SFI1: variants seen among roughly 807,000 people sequenced by gnomAD.
SFI1 encodes protein SFI1 homolog.
Under a neutral mutation model 207.5 loss-of-function variants are expected in SFI1, and 195 were observed. That is an observed-to-expected ratio of 0.94 (90% CI 0.84 to 1.06). The LOEUF is 1.06. Among genes scored for constraint, SFI1 ranks in the 50% least tolerant of loss-of-function variants. The pLI is 0.00. For synonymous variants in SFI1, 630 were observed against 598.9 expected, an observed-to-expected ratio of 1.05 and a Z score of -0.76; for missense variants, 1,634 against 1,588.0, an observed-to-expected ratio of 1.03 and a Z score of -0.49.
intron 7 of SFI1, chr22:31,559,507 T>C (rs982636922): frequency 1.9e-6 from 1 of 530,470 alleles, no homozygotes; most frequent in Non-Finnish European, 3.5e-6. Flanking sequence ...CCCTGAAAAG[T>C]TCCAGCGTAT....
At chr22:31,513,270 T>C (rs546115358) in intron 2 of SFI1, among the ~76,000 whole-genome samples, 2 of 152,002 alleles carry the variant, frequency 1.3e-5, no homozygotes, top group Non-Finnish European at 2.9e-5. Flanking sequence ...GCAATCTTCA[T>C]GCCTCAGACC....
At chr22:31,577,637 G>T (rs1393978353) in intron 10 of SFI1, among the ~76,000 whole-genome samples, 1 of 152,132 alleles carries the variant, frequency 6.6e-6, no homozygotes, top group Non-Finnish European at 1.5e-5. Flanking sequence ...CAAGTGCTTT[G>T]GGAGGATCGC....
intron 15 of SFI1, among the ~76,000 whole-genome samples, chr22:31,600,123 A>G (rs1243168516): frequency 6.6e-6 from 1 of 152,152 alleles, no homozygotes; most frequent in African/African-American, 2.4e-5. Context: ...CCTGAGTTCA[A>G]GCAATCCTCC....
intron 8 of SFI1, among the ~76,000 whole-genome samples, chr22:31,566,519 T>C (rs1411343926): frequency 6.6e-6 from 1 of 152,224 alleles, no homozygotes; most frequent in Non-Finnish European, 1.5e-5. Context: ...TAAGCAACAG[T>C]GTAGGTTCTT....
chr22:31,614,477 G>C lies in SFI1; in HGVS notation c.2997-312G>C, dbSNP rs1179432257. On this transcript the variant is annotated intron_variant, in intron 27 of 32. Coordinates refer to ENST00000400288, the MANE Select transcript of SFI1 (RefSeq NM_001007467.3). ...TGCTCCTCACTGTTTGACTGACCTTGATGGGATCCTGAACGTCTCAGAGGC... is the reference window on the plus strand; with the variant it reads ...TGCTCCTCACTGTTTGACTGACCTTCATGGGATCCTGAACGTCTCAGAGGC... 1.4e-5 allele frequency: 8 copies of C among 552,478 alleles called. No homozygotes were observed. In the East Asian group the frequency reaches 3.2e-4, roughly 22 times the overall value. 34.2% of individuals were successfully genotyped at this position (552,478 alleles called of 1,614,324 possible). A position where few individuals can be genotyped will look rare whatever the true frequency, so the allele number is the denominator to read the frequency against.
At chr22:31,616,706 AGCTTCCTT>A (rs1569472926) in intron 29 of SFI1, 31 bp from the exon 30 acceptor site, 1 of 1,503,844 alleles carries the variant, frequency 6.6e-7, no homozygotes, top group Non-Finnish European at 8.9e-7. Flanking sequence ...GCTTCCTCCT[AGCTTCCTT>A]GCTCAGCATC....
At chr22:31,520,537 C>G (rs540118566) in intron 2 of SFI1, among the ~76,000 whole-genome samples, 1 of 152,178 alleles carries the variant, frequency 6.6e-6, no homozygotes, top group South Asian at 2.1e-4. Flanking sequence ...TTTTCTAATA[C>G]TCACGGAGGG....
At chr22:31,590,384 A>G (rs1025282109) in intron 15 of SFI1, among the ~76,000 whole-genome samples, 7 of 150,596 alleles carry the variant, frequency 4.6e-5, no homozygotes, top group Non-Finnish European at 8.9e-5. Flanking sequence ...CAAATGACCA[A>G]TTCTCTAGTT....
At chr22:31,568,165 ATG>A (rs751455847) in intron 8 of SFI1, among the ~76,000 whole-genome samples, 10,775 of 118,804 alleles carry the variant, frequency 0.091, 862 homozygotes, top group African/African-American at 0.24. Context: ...CTATATATAT[ATG>A]TGTGTGTGTG....
chr22:31,599,949 C>A (rs1337394856), intron 15 of SFI1, among the ~76,000 whole-genome samples: 1 of 150,850 alleles, frequency 6.6e-6, no homozygotes, highest in Non-Finnish European at 1.5e-5. Context: ...TCTTGAACTT[C>A]TGGGCTCAAG....
intron 2 of SFI1, among the ~76,000 whole-genome samples, chr22:31,523,194 G>A (rs547943176): frequency 4.3e-4 from 65 of 152,254 alleles, no homozygotes; most frequent in Admixed American, 1.1e-3. Context: ...TGTAGTAATA[G>A]ATAATTATTT....
At chr22:31,528,920 G>T in intron 3 of SFI1, 57 bp downstream of exon 3, 2 of 1,503,742 alleles carry the variant, frequency 1.3e-6, no homozygotes, top group Non-Finnish European at 1.8e-6. Flanking sequence ...CTCCTTTCTT[G>T]GTTAAAATGG....
At chr22:31,558,381 TA>T (rs919582082) in intron 7 of SFI1, among the ~76,000 whole-genome samples, 1 of 152,090 alleles carries the variant, frequency 6.6e-6, no homozygotes, top group African/African-American at 2.4e-5. Flanking sequence ...AAAATTTTTT[TA>T]AATAATTAAA....
At chr22:31,606,180 A>G in intron 20 of SFI1, 148 bp from the exon 21 acceptor site, 4 of 693,942 alleles carry the variant, frequency 5.8e-6, no homozygotes, top group Non-Finnish European at 9.8e-6. Flanking sequence ...TAGATGTGCA[A>G]GTAAACATAG....
chr22:31,580,221 G>A, intron 11 of SFI1, 51 bp from the exon 12 acceptor site: 1 of 1,461,174 alleles, frequency 6.8e-7, no homozygotes, highest in African/African-American at 1.4e-5. Flanking sequence ...TTAGTTTACA[G>A]ACTCTACTGA....
At chr22:31,568,389 C>G (rs1184441793) in intron 8 of SFI1, among the ~76,000 whole-genome samples, 1 of 150,754 alleles carries the variant, frequency 6.6e-6, no homozygotes, top group African/African-American at 2.4e-5. Context: ...ATTAGCCGGG[C>G]ATGGTGGTGG....
At chr22:31,607,324 C>T (rs1316558663) in intron 21 of SFI1, among the ~76,000 whole-genome samples, 3 of 152,014 alleles carry the variant, frequency 2.0e-5, no homozygotes, top group East Asian at 1.9e-4. Context: ...TAATAGAGGC[C>T]GGGCGCAGTG....
chr22:31,542,168 C>G (rs556733239), intron 4 of SFI1, among the ~76,000 whole-genome samples: 8 of 151,426 alleles, frequency 5.3e-5, no homozygotes, highest in African/African-American at 1.5e-4. Context: ...TCCCCCACCC[C>G]CCGAGAGAGA....
At chr22:31,589,095 CA>C (rs770720081) in intron 14 of SFI1, among the ~76,000 whole-genome samples, 6 of 152,030 alleles carry the variant, frequency 3.9e-5, no homozygotes, top group Non-Finnish European at 5.9e-5. Context: ...TGTTTAGGTT[CA>C]AAAACCCCAT....
Sources: allele counts gnomAD v4.1 joint callset (sites outside exome capture counted in the v4.1 genomes callset), GRCh38; gene constraint gnomAD v4.1.1; transcripts MANE v1.5; gene names NCBI Gene and HGNC (gene_info 2026-07-23, HGNC 2026-07-21).